KLHL5: variants seen among roughly 807,000 people sequenced by gnomAD.
KLHL5 encodes the protein kelch-like protein 5.
KLHL5 carries 48 observed loss-of-function variants against 77.7 expected under a neutral mutation model. The observed-to-expected ratio is 0.62, with a 90% CI of 0.49 to 0.79. KLHL5 has a LOEUF of 0.79. KLHL5 is among the 30% of genes least tolerant of loss of function. The pLI is 0.00. For missense variants in KLHL5, 723 were observed against 859.7 expected (o/e 0.84, Z 1.99); for synonymous variants, 260 against 297.0 (o/e 0.88, Z 1.28).
At chr4:39,130,356 G>A (rs1296552292), downstream of KLHL5, among the ~76,000 whole-genome samples, 1 of 152,204 alleles carries the variant, frequency 6.6e-6, no homozygotes, top group Non-Finnish European at 1.5e-5. Flanking sequence ...GCTATTGTTT[G>A]TGGCTTAAGA....
chr4:39,121,310 A>C lies in KLHL5; in HGVS notation c.*244A>C, dbSNP rs1446953142. ...GATTGTGATCACACATTCCCGAAGT[A>C]ATAAGTGAGGACGAATGCACTGCTC... On this transcript the variant is annotated 3_prime_UTR_variant, in exon 11 of 11. Coordinates refer to ENST00000504108, the MANE Select transcript of KLHL5 (RefSeq NM_015990.5). The C allele has an allele frequency of 3.8e-6, 2 of 529,200 alleles. No homozygotes were observed. Among genetic ancestry groups the C allele is most frequent in the African/African-American group, 3.8e-5 (2 of 52,598 alleles). 32.8% of individuals were successfully genotyped at this position (529,200 alleles called of 1,614,324 possible).
rs1722589032 is a variant in KLHL5 at position 39,113,248 on chromosome 4, G to A, written c.1901+16G>A. The A allele has an allele frequency of 5.7e-6, 9 of 1,584,412 alleles. No homozygotes were observed. In the East Asian group the frequency reaches 1.8e-4, roughly 32 times the overall value. On this transcript the variant is annotated intron_variant, in intron 9 of 10. Coordinates refer to ENST00000504108, the MANE Select transcript of KLHL5 (RefSeq NM_015990.5). ...GTGTGGAAAGGTAATTTCCTGGGAA[G>A]AAAAACTAGGAACAAAAAAGATATA... is the stretch of plus-strand genomic sequence containing the variant.
chr4:39,127,980 G>A (rs1486139534), downstream of KLHL5, among the ~76,000 whole-genome samples: 1 of 152,210 alleles, frequency 6.6e-6, no homozygotes, highest in Non-Finnish European at 1.5e-5. Context: ...CAAAGCAGCA[G>A]AGACGGACTG....
chr4:39,077,571 G>A (rs184965893), intron 2 of KLHL5, among the ~76,000 whole-genome samples: 13 of 151,652 alleles, frequency 8.6e-5, no homozygotes, highest in Non-Finnish European at 1.2e-4. Context: ...TCATAAAATC[G>A]AAAAATAATC....
chr4:39,115,786 A>G (rs1722792541), intron 10 of KLHL5: 6 of 1,043,704 alleles, frequency 5.7e-6, no homozygotes, highest in East Asian at 9.7e-5. Context: ...GCAACCCTAA[A>G]TTACACTGAG....
chr4:39,108,468 G>T (rs900505097), intron 8 of KLHL5, among the ~76,000 whole-genome samples: 14 of 151,958 alleles, frequency 9.2e-5, no homozygotes, highest in Non-Finnish European at 1.9e-4. Context: ...TTGTGTTATT[G>T]ATTATTATAA....
At chr4:39,069,735 G>A (rs1246322187) in intron 1 of KLHL5, among the ~76,000 whole-genome samples, 1 of 151,700 alleles carries the variant, frequency 6.6e-6, no homozygotes, top group Non-Finnish European at 1.5e-5. Context: ...CAATCTTATT[G>A]TACATATTGT....
chr4:39,078,765 T>C (rs1463190690), intron 2 of KLHL5, among the ~76,000 whole-genome samples: 1 of 151,280 alleles, frequency 6.6e-6, no homozygotes, highest in African/African-American at 2.4e-5. Context: ...GGGAAGGGAG[T>C]AAGGGATAAA....
At chr4:39,049,226 TGTGA>T (rs1716440913) in intron 1 of KLHL5, among the ~76,000 whole-genome samples, 2 of 152,230 alleles carry the variant, frequency 1.3e-5, no homozygotes, top group African/African-American at 2.4e-5. Context: ...TCTTTGTGTA[TGTGA>T]GTGTGTTTAA....
chr4:39,130,634 A>G (rs1723763174), downstream of KLHL5, among the ~76,000 whole-genome samples: 1 of 152,168 alleles, frequency 6.6e-6, no homozygotes, highest in Non-Finnish European at 1.5e-5. Flanking sequence ...GCCAGAACCC[A>G]GGTGATTCTA....
At chr4:39,056,210 C>T (rs1820940) in intron 1 of KLHL5, among the ~76,000 whole-genome samples, 36,810 of 152,168 alleles carry the variant, frequency 0.24, 4,577 homozygotes, top group South Asian at 0.36. Flanking sequence ...GCAGCCTCCA[C>T]TTCCCAGGTT....
intron 7 of KLHL5, among the ~76,000 whole-genome samples, chr4:39,105,737 TACACACACACAC>T (rs10536180): frequency 7.4e-4 from 108 of 146,704 alleles, no homozygotes; most frequent in Admixed American, 1.8e-3. Context: ...TATATATGTA[TACACACACACAC>T]ACACACACAC....
At chr4:39,075,058 G>T (rs566535175) in intron 1 of KLHL5, among the ~76,000 whole-genome samples, 1 of 152,182 alleles carries the variant, frequency 6.6e-6, no homozygotes, top group South Asian at 2.1e-4. Flanking sequence ...ACAGGTGGGT[G>T]CGGTGGCTCA....
At position 39,121,836 on chromosome 4, in the gene KLHL5, A is replaced by C. The variant is rs1183830374; in HGVS notation, c.*770A>C. On this transcript the variant is annotated 3_prime_UTR_variant, in exon 11 of 11. Transcript: ENST00000504108. ...GAAAATAAATGTTATATACCCTATA[A>C]TCTTTCACCTAATTAGTATTTAATT... is the stretch of plus-strand genomic sequence containing the variant. 1 of 152,614 alleles carries C rather than the reference A, an allele frequency of 6.6e-6. No homozygotes were observed. The highest frequency in any genetic ancestry group is 1.5e-5 in the Non-Finnish European group (1 of 68,032). 9.5% of individuals were successfully genotyped at this position (152,614 alleles called of 1,614,324 possible). A position where few individuals can be genotyped will look rare whatever the true frequency, so the allele number is the denominator to read the frequency against.
intron 1 of KLHL5, among the ~76,000 whole-genome samples, chr4:39,056,763 A>G (rs1440805501): frequency 6.6e-6 from 1 of 152,212 alleles, no homozygotes; most frequent in Non-Finnish European, 1.5e-5. Context: ...TCCTCCTGAA[A>G]CAATATCCTT....
At chr4:39,061,605 T>C (rs771038839), upstream of KLHL5, among the ~76,000 whole-genome samples, 1 of 152,212 alleles carries the variant, frequency 6.6e-6, no homozygotes, top group Non-Finnish European at 1.5e-5. Context: ...TTGCCTTAAC[T>C]GTAACCATGT....
chr4:39,093,921 A>G (rs1440424990), intron 5 of KLHL5, among the ~76,000 whole-genome samples: 2 of 152,034 alleles, frequency 1.3e-5, no homozygotes, highest in Non-Finnish European at 2.9e-5. Context: ...AAAAAAATCT[A>G]TGGAAGTCTA....
intron 8 of KLHL5, among the ~76,000 whole-genome samples, chr4:39,110,793 A>C (rs563368863): frequency 6.6e-6 from 1 of 152,246 alleles, no homozygotes; most frequent in Admixed American, 6.5e-5. Context: ...TCATAATTTT[A>C]AAAGTCAGGC....
At chr4:39,112,919 T>C in intron 8 of KLHL5, 101 bp from the exon 9 acceptor site, 1 of 994,896 alleles carries the variant, frequency 1.0e-6, no homozygotes, top group Non-Finnish European at 1.5e-6. Context: ...TTATAACTGA[T>C]GGCACCTTAA....
Sources: gnomAD v4.1 joint callset for allele counts (sites outside exome capture counted in the v4.1 genomes callset) on GRCh38, gnomAD v4.1.1 for gene constraint, MANE v1.5 for transcripts, NCBI Gene and HGNC (gene_info 2026-07-23, HGNC 2026-07-21) for gene names.